CLNK: variants seen among roughly 807,000 people sequenced by gnomAD.
The protein encoded by CLNK is cytokine-dependent hematopoietic cell linker.
CLNK carries 74 observed loss-of-function variants against 68.6 expected under a neutral mutation model. The observed-to-expected ratio is 1.08, with a 90% confidence interval of 0.89 to 1.31. The LOEUF is 1.31. Among genes scored for constraint, CLNK ranks in the 50% most tolerant of loss-of-function variants. The pLI is 0.00. For synonymous variants in CLNK, 198 were observed against 172.2 expected, an observed-to-expected ratio of 1.15 and a Z score of -1.17; for missense variants, 553 against 515.3, an observed-to-expected ratio of 1.07 and a Z score of -0.71.
the CLNK span, among the ~76,000 whole-genome samples, chr4:10,690,247 A>C: frequency 6.6e-6 from 1 of 152,112 alleles, no homozygotes; most frequent in Non-Finnish European, 1.5e-5. Flanking sequence ...TCCTGGCCCA[A>C]CCACCCTGAC....
chr4:10,514,131 A>C (rs1461036462), intron 15 of CLNK, among the ~76,000 whole-genome samples: 1 of 142,876 alleles, frequency 7.0e-6, no homozygotes, highest in Non-Finnish European at 1.5e-5. Flanking sequence ...TTCTTGCGAT[A>C]GTTTACTGAG....
In CLNK at chr4:10,555,237, G is replaced by A. The variant is rs151019415; in HGVS notation, c.445+3170C>T. ...TTTCTTTTCTTGGAGGCTTATTGTA[G>A]TTCTTTATAAATTCATTCTTGTATA... On this transcript the variant is annotated intron_variant, in intron 8 of 18. Transcript: ENST00000226951. Among the ~76,000 whole-genome samples the A allele has an allele frequency of 2.8e-4, 42 of 151,806 alleles. 1 individual carries two copies. The highest frequency in any genetic ancestry group is 4.6e-4 in the Admixed American group (7 of 15,242).
chr4:10,564,406 T>A (rs1156964738), intron 7 of CLNK, among the ~76,000 whole-genome samples: 1 of 152,248 alleles, frequency 6.6e-6, no homozygotes, highest in African/African-American at 2.4e-5. Flanking sequence ...TTAGATGAGA[T>A]GCATGTCAAA....
At chr4:10,498,290 G>T (rs1427779661) in intron 18 of CLNK, among the ~76,000 whole-genome samples, 3 of 152,014 alleles carry the variant, frequency 2.0e-5, no homozygotes, top group Non-Finnish European at 4.4e-5. Flanking sequence ...AGGAGATCGA[G>T]ACCATCCTGG....
chr4:10,675,005 T>C (rs544415499), intron 1 of CLNK, among the ~76,000 whole-genome samples: 137 of 152,100 alleles, frequency 9.0e-4, no homozygotes, highest in Middle Eastern at 3.4e-3. Context: ...GGGAGAGCAT[T>C]AGGACAAATA....
At chr4:10,501,784 G>A (rs140975568) in intron 17 of CLNK, among the ~76,000 whole-genome samples, 6 of 152,210 alleles carry the variant, frequency 3.9e-5, no homozygotes, top group South Asian at 2.1e-4. Flanking sequence ...AGAATTAGCC[G>A]GGCATGGTGG....
chr4:10,657,230 A>G (rs1724023359), intron 2 of CLNK, among the ~76,000 whole-genome samples: 1 of 152,240 alleles, frequency 6.6e-6, no homozygotes, highest in Admixed American at 6.5e-5. Flanking sequence ...CTCAAAACCC[A>G]GCAAAACCAA....
chr4:10,594,233 C>T (rs986485248), intron 3 of CLNK, among the ~76,000 whole-genome samples: 1 of 152,152 alleles, frequency 6.6e-6, no homozygotes, highest in Non-Finnish European at 1.5e-5. Flanking sequence ...CAGACATTTC[C>T]CCAGTGGGGA....
chr4:10,676,842 C>T (rs1335053490), intron 1 of CLNK, among the ~76,000 whole-genome samples: 4 of 151,516 alleles, frequency 2.6e-5, no homozygotes, highest in Non-Finnish European at 5.9e-5. Context: ...TTGGCTCTTC[C>T]TTCTCTCTGC....
At chr4:10,546,322 T>C (rs1329191195) in intron 8 of CLNK, among the ~76,000 whole-genome samples, 2 of 152,230 alleles carry the variant, frequency 1.3e-5, no homozygotes, top group Admixed American at 6.5e-5. Flanking sequence ...GCTCCTTCTA[T>C]ATTTTGCTTA....
chr4:10,542,158 T>A (rs760438516), intron 9 of CLNK, 97 bp downstream of exon 9: 10 of 1,215,640 alleles, frequency 8.2e-6, no homozygotes, highest in Non-Finnish European at 4.7e-6. Flanking sequence ...TTATAAGACA[T>A]ATTTTTCTAG....
At chr4:10,623,763 T>C (rs1036394015) in intron 2 of CLNK, among the ~76,000 whole-genome samples, 2 of 152,224 alleles carry the variant, frequency 1.3e-5, no homozygotes, top group African/African-American at 2.4e-5. Context: ...AAATAAGCAA[T>C]TTCAGTTCAG....
chr4:10,553,993 G>A (rs1321720418), intron 8 of CLNK, among the ~76,000 whole-genome samples: 3 of 152,196 alleles, frequency 2.0e-5, no homozygotes, highest in Non-Finnish European at 2.9e-5. Context: ...ATCTGTAAGG[G>A]ATGCTGTGCC....
At chr4:10,655,475 A>T (rs187500868) in intron 2 of CLNK, among the ~76,000 whole-genome samples, 1 of 152,152 alleles carries the variant, frequency 6.6e-6, no homozygotes, top group African/African-American at 2.4e-5. Flanking sequence ...TATAAATTCC[A>T]AGATATCATG....
At chr4:10,548,016 G>A (rs546673558) in intron 8 of CLNK, among the ~76,000 whole-genome samples, 7 of 152,174 alleles carry the variant, frequency 4.6e-5, no homozygotes, top group South Asian at 2.1e-4. Flanking sequence ...AGTTGGATTC[G>A]TGAACCATAA....
intron 18 of CLNK, among the ~76,000 whole-genome samples, chr4:10,492,282 T>G (rs564389682): frequency 6.6e-6 from 1 of 152,222 alleles, no homozygotes; most frequent in South Asian, 2.1e-4. Context: ...CCTCTGATGC[T>G]CCAACAAACC....
chr4:10,622,488 C>T (rs555501818), intron 2 of CLNK, among the ~76,000 whole-genome samples: 6 of 152,258 alleles, frequency 3.9e-5, no homozygotes, highest in African/African-American at 1.4e-4. Flanking sequence ...GGCATGAAAG[C>T]CCTGACCAAG....
chr4:10,706,731 C>T, the CLNK span, among the ~76,000 whole-genome samples: 3 of 152,124 alleles, frequency 2.0e-5, no homozygotes, highest in African/African-American at 4.8e-5. Flanking sequence ...TAAAGTGAAG[C>T]GTGGGCCACT....
At chr4:10,551,054 T>G (rs1719431945) in intron 8 of CLNK, among the ~76,000 whole-genome samples, 1 of 152,158 alleles carries the variant, frequency 6.6e-6, no homozygotes, top group African/African-American at 2.4e-5. Context: ...GATTTCATCG[T>G]GCCGCTCAGA....
Sources: allele counts gnomAD v4.1 joint callset (sites outside exome capture counted in the v4.1 genomes callset), GRCh38; gene constraint gnomAD v4.1.1; transcripts MANE v1.5; gene names NCBI Gene and HGNC (gene_info 2026-07-23, HGNC 2026-07-21).